The following OC90 variants were observed in gnomAD, a reference collection of about 807,000 sequenced individuals.
OC90 encodes otoconin-90.
A neutral mutation model predicts 47.3 loss-of-function variants in OC90; 46 were observed. The ratio of observed to expected loss-of-function variants is 0.97; its 90% confidence interval spans 0.77 to 1.24. OC90 has a LOEUF of 1.24. Ranked by LOEUF, OC90 falls within the 50% of genes most tolerant of loss-of-function variation. The pLI is 0.00. For missense variants in OC90, 688 were observed against 583.9 expected, an observed-to-expected ratio of 1.18 and a Z score of -1.84; for synonymous variants, 271 against 219.5, an observed-to-expected ratio of 1.23 and a Z score of -2.07.
intron 13 of OC90, among the ~76,000 whole-genome samples, chr8:132,028,126 G>T (rs28414684): frequency 2.0e-5 from 3 of 152,130 alleles, no homozygotes; most frequent in South Asian, 2.1e-4. Flanking sequence ...GCTCGTCACC[G>T]GCCCTGTGAC....
chr8:132,038,758 G>A (rs1489604459), intron 8 of OC90, 32 bp downstream of exon 8: 9 of 1,592,394 alleles, frequency 5.7e-6, no homozygotes, highest in East Asian at 4.5e-5. Flanking sequence ...GGCCCTTGTG[G>A]TTCAAGAGCC....
At position 132,054,923 on chromosome 8, in the gene OC90, T is replaced by A. The variant is rs557885270; in HGVS notation, c.46+58A>T. On this transcript the variant is annotated intron_variant, in intron 2 of 13. Coordinates refer to ENST00000254627, the MANE Select transcript of OC90 (RefSeq NM_001080399.3). ...GGGTGGGCCTGTTGAAGGGACAGTA[T>A]TCAAATGAAGTAATTACATGCTAAG... 8 of 1,292,686 alleles carry A rather than the reference T, an allele frequency of 6.2e-6. No homozygotes were observed. In the African/African-American group the frequency reaches 1.2e-4, roughly 19 times the overall value. 80.1% of individuals were successfully genotyped at this position (1,292,686 alleles called of 1,614,324 possible). A position where few individuals can be genotyped will look rare whatever the true frequency, so the allele number is the denominator to read the frequency against.
intron 10 of OC90, among the ~76,000 whole-genome samples, chr8:132,033,536 G>A (rs962145804): frequency 6.6e-6 from 1 of 152,140 alleles, no homozygotes; most frequent in African/African-American, 2.4e-5. Context: ...AAATTAAGGC[G>A]ACTCATGATA....
At position 132,057,562 on chromosome 8, in the gene OC90, G is replaced by A. The variant is rs553964804; in HGVS notation, c.-48+1779C>T. Among the ~76,000 whole-genome samples, 47 of 152,312 alleles carry A rather than the reference G, an allele frequency of 3.1e-4. No homozygotes were observed. The South Asian group carries it at 6.4e-3, about 21-fold the overall frequency. The stretch of plus-strand genomic sequence containing the variant: ...AGGGGAAGATGAAAAAGTCCTGGAG[G>A]TGGACAGTGGCGTGATTGCATATCA... On this transcript the variant is annotated intron_variant, in intron 1 of 13. Transcript: ENST00000254627.
At chr8:132,042,966 T>C (rs1004348072) in intron 4 of OC90, among the ~76,000 whole-genome samples, 10 of 152,350 alleles carry the variant, frequency 6.6e-5, no homozygotes, top group Admixed American at 2.6e-4. Context: ...CATGCATCTG[T>C]ATGTTCATTG....
intron 2 of OC90, among the ~76,000 whole-genome samples, chr8:132,050,451 GT>G (rs1823196744): frequency 2.0e-5 from 3 of 152,134 alleles, no homozygotes; most frequent in South Asian, 2.1e-4. Flanking sequence ...CTACCTCTAA[GT>G]AAGATCCCAG....
intron 13 of OC90, among the ~76,000 whole-genome samples, chr8:132,026,789 C>A (rs753877137): frequency 6.6e-6 from 1 of 152,160 alleles, no homozygotes. Context: ...GGGCTCTAAA[C>A]CCTCCCCTGG....
intron 2 of OC90, among the ~76,000 whole-genome samples, chr8:132,051,781 C>T (rs1823214427): frequency 6.6e-6 from 1 of 152,058 alleles, no homozygotes; most frequent in Non-Finnish European, 1.5e-5. Flanking sequence ...TGCTGGGAAG[C>T]AATAGGGAAT....
In OC90 at chr8:132,024,571, C is replaced by T. The variant is rs756644055; in HGVS notation, c.1344G>A (p.Glu448=). The T allele has an allele frequency of 1.9e-6, 3 of 1,613,132 alleles. No individual in the cohort carries two copies. In the South Asian group the frequency reaches 3.3e-5, roughly 18 times the overall value. ...LGSSSEEDSE[E]DPPQEDLGRA... is the part of the protein sequence containing the mutation. ...TGCCGAGGTCCTCCTGTGGAGGGTCCTCCTCGCTGTCCTCCTCAGAGCTGG... is the reference window on the plus strand; with the variant it reads ...TGCCGAGGTCCTCCTGTGGAGGGTCTTCCTCGCTGTCCTCCTCAGAGCTGG... Residue 448 remains glutamate (E), a synonymous_variant, in exon 14 of 14, where the codon GAG becomes GAA. Coordinates refer to ENST00000254627, the MANE Select transcript of OC90 (RefSeq NM_001080399.3).
chr8:132,050,916 C>T (rs138528447), intron 2 of OC90, among the ~76,000 whole-genome samples: 430 of 152,224 alleles, frequency 2.8e-3, no homozygotes, highest in Admixed American at 5.1e-3. Flanking sequence ...ATTGCTTGAG[C>T]CCAGGAGGCA....
In OC90 at chr8:132,055,551, C is replaced by T. The variant is rs142649032; in HGVS notation, c.-47-478G>A. Among the ~76,000 whole-genome samples the T allele has an allele frequency of 2.6e-4, 39 of 152,300 alleles. 1 individual carries two copies. In the East Asian group the frequency reaches 7.3e-3, roughly 29 times the overall value. Reference sequence around the variant, plus strand: ...GTACTTTATGATATACCCAGCATTCCCAATGCACCTTTGGCATGTAGGTTT... The same window carrying T: ...GTACTTTATGATATACCCAGCATTCTCAATGCACCTTTGGCATGTAGGTTT... On this transcript the variant is annotated intron_variant, in intron 1 of 13. Coordinates refer to ENST00000254627, the MANE Select transcript of OC90 (RefSeq NM_001080399.3).
At chr8:132,039,674 CTCCTCA>C (rs1297010943) in intron 6 of OC90, among the ~76,000 whole-genome samples, 3 of 152,264 alleles carry the variant, frequency 2.0e-5, no homozygotes, top group African/African-American at 7.2e-5. Context: ...CTTCCACTCC[CTCCTCA>C]TCAACCCATT....
At chr8:132,028,567 G>GA (rs1157447594) in intron 13 of OC90, among the ~76,000 whole-genome samples, 50 of 12,958 alleles carry the variant, frequency 3.9e-3, no homozygotes, top group East Asian at 0.015. Flanking sequence ...AGAAAGAAAG[G>GA]AAGGAAGGAA....
intron 2 of OC90, among the ~76,000 whole-genome samples, chr8:132,050,649 A>C (rs1263432970): frequency 6.6e-6 from 1 of 152,144 alleles, no homozygotes; most frequent in Non-Finnish European, 1.5e-5. Flanking sequence ...CTGTAAAATG[A>C]GACAATTGTA....
intron 2 of OC90, 40 bp downstream of exon 2, chr8:132,054,941 A>T: frequency 6.8e-7 from 1 of 1,461,996 alleles, no homozygotes; most frequent in Non-Finnish European, 9.3e-7. Flanking sequence ...AAGTAATTAC[A>T]TGCTAAGCTG....
chr8:132,051,049 T>C (rs1823206531), intron 2 of OC90, among the ~76,000 whole-genome samples: 1 of 152,114 alleles, frequency 6.6e-6, no homozygotes, highest in Admixed American at 6.5e-5. Flanking sequence ...ATGGAAGATC[T>C]CAACAGTCTG....
intron 13 of OC90, among the ~76,000 whole-genome samples, chr8:132,026,876 T>C (rs1271838408): frequency 6.6e-6 from 1 of 152,204 alleles, no homozygotes; most frequent in Non-Finnish European, 1.5e-5. Flanking sequence ...ATCTGGCACC[T>C]GTCTGTCTCC....
chr8:132,054,989 G>T lies in OC90; in HGVS notation c.38C>A (p.Pro13His). The part of the protein sequence containing the change: ...AFLLTSVLMI[P>H]HAGGHPLDTP... ...AAGATATCATTACTCACCGGCATGG[G>T]GGATCATCAGCACACTGGTGAGGAG... Residue 13 changes from proline to histidine, a missense_variant, in exon 2 of 14, where the codon CCC becomes CAC. Coordinates refer to ENST00000254627, the MANE Select transcript of OC90 (RefSeq NM_001080399.3). 6.5e-7 allele frequency: 1 copy of T among 1,549,612 alleles called. No individual in the cohort carries two copies. The highest frequency in any genetic ancestry group is 8.7e-7 in the Non-Finnish European group (1 of 1,146,014).
intron 6 of OC90, among the ~76,000 whole-genome samples, chr8:132,040,534 C>A (rs763956181): frequency 6.6e-6 from 1 of 152,132 alleles, no homozygotes; most frequent in Non-Finnish European, 1.5e-5. Context: ...GTTTCTGATT[C>A]TTACTGGCAA....
Sources: allele counts gnomAD v4.1 joint callset (sites outside exome capture counted in the v4.1 genomes callset), GRCh38; gene constraint gnomAD v4.1.1; transcripts MANE v1.5; gene names NCBI Gene and HGNC (gene_info 2026-07-23, HGNC 2026-07-21).